The following TMEM131L variants were observed in gnomAD, a reference collection of about 807,000 sequenced individuals.
TMEM131L encodes transmembrane protein 131-like.
A neutral mutation model predicts 192.2 loss-of-function variants in TMEM131L; 54 were observed. The observed-to-expected ratio is 0.28, with a 90% CI of 0.23 to 0.35. The LOEUF is 0.35. Ranked by LOEUF, TMEM131L falls within the 10% of genes least tolerant of loss-of-function variation. TMEM131L has a pLI of 1.00. For missense variants in TMEM131L, 1,888 were observed against 1,972.9 expected (o/e 0.96, Z 0.82); for synonymous variants, 701 against 704.9 (o/e 0.99, Z 0.09).
chr4:153,636,670 A>T lies in TMEM131L; in HGVS notation c.*94A>T. Reference sequence around the variant, plus strand: ...TTGAGATAGATTATGACATTGGTGGATATTTTGGCACTTTTATATGAAAAT... The same window carrying T: ...TTGAGATAGATTATGACATTGGTGGTTATTTTGGCACTTTTATATGAAAAT... On this transcript the variant is annotated 3_prime_UTR_variant, in exon 35 of 35. Transcript: ENST00000409959. 7.9e-7 allele frequency: 1 copy of T among 1,259,896 alleles called. No homozygotes were observed. 78.0% of individuals were successfully genotyped at this position (1,259,896 alleles called of 1,614,324 possible). A position where few individuals can be genotyped will look rare whatever the true frequency, so the allele number is the denominator to read the frequency against.
At chr4:153,541,821 A>G (rs1736802217) in intron 3 of TMEM131L, among the ~76,000 whole-genome samples, 1 of 152,248 alleles carries the variant, frequency 6.6e-6, no homozygotes, top group African/African-American at 2.4e-5. Flanking sequence ...TTCCATGGAA[A>G]TAGACTGCTG....
At chr4:153,547,883 T>C (rs1737305559) in intron 3 of TMEM131L, among the ~76,000 whole-genome samples, 2 of 152,258 alleles carry the variant, frequency 1.3e-5, no homozygotes, top group Non-Finnish European at 2.9e-5. Flanking sequence ...CATCTGTTCA[T>C]GTGGAGGTTG....
intron 27 of TMEM131L, among the ~76,000 whole-genome samples, chr4:153,621,171 C>T (rs571894916): frequency 6.6e-6 from 1 of 152,162 alleles, no homozygotes; most frequent in Non-Finnish European, 1.5e-5. Flanking sequence ...CGTGTGGAGA[C>T]CTTCATTCTG....
chr4:153,471,358 G>A (rs1420477385), intron 2 of TMEM131L, among the ~76,000 whole-genome samples: 5 of 152,086 alleles, frequency 3.3e-5, no homozygotes, highest in Non-Finnish European at 2.9e-5. Flanking sequence ...GAGGGGCTGG[G>A]CTGCTAAGGG....
chr4:153,579,218 A>G (rs1184694038), intron 7 of TMEM131L, among the ~76,000 whole-genome samples: 1 of 151,432 alleles, frequency 6.6e-6, no homozygotes, highest in African/African-American at 2.4e-5. Context: ...CAAATTAGCC[A>G]TGTGTGGTGG....
chr4:153,495,324 CA>C (rs987730764), intron 3 of TMEM131L, among the ~76,000 whole-genome samples: 36 of 141,098 alleles, frequency 2.6e-4, no homozygotes, highest in Admixed American at 5.7e-4. Context: ...CGTCTGAAAA[CA>C]AAAAAAAAAA....
chr4:153,508,360 T>C (rs79988238), intron 3 of TMEM131L, among the ~76,000 whole-genome samples: 3,418 of 152,322 alleles, frequency 0.022, 117 homozygotes, highest in African/African-American at 0.076. Flanking sequence ...CCATATGAGA[T>C]GTTACTTTTT....
intron 29 of TMEM131L, among the ~76,000 whole-genome samples, chr4:153,625,249 A>G (rs1733751727): frequency 6.6e-6 from 1 of 152,066 alleles, no homozygotes; most frequent in African/African-American, 2.4e-5. Flanking sequence ...CATCTCTACT[A>G]AAAATTCAAA....
intron 3 of TMEM131L, among the ~76,000 whole-genome samples, chr4:153,515,999 G>T (rs1734703543): frequency 6.6e-6 from 1 of 151,356 alleles, no homozygotes; most frequent in Non-Finnish European, 1.5e-5. Context: ...ACACAGCGTT[G>T]GGATTATAGA....
intron 7 of TMEM131L, among the ~76,000 whole-genome samples, chr4:153,572,669 T>C (rs1379994485): frequency 1.3e-5 from 2 of 152,168 alleles, no homozygotes; most frequent in Non-Finnish European, 2.9e-5. Context: ...TGTGTCTAGC[T>C]CTTGCCTTCC....
At chr4:153,506,613 G>C (rs539459405) in intron 3 of TMEM131L, among the ~76,000 whole-genome samples, 16 of 152,142 alleles carry the variant, frequency 1.1e-4, no homozygotes, top group East Asian at 9.7e-4. Flanking sequence ...GAGGCCAAGG[G>C]GGGGACTCAT....
rs747293812 is a variant in TMEM131L at position 153,593,761 on chromosome 4, G to A, written c.1923-38G>A. The A allele has an allele frequency of 4.6e-6, 6 of 1,318,436 alleles. No individual in the cohort carries two copies. The East Asian group carries it at 6.9e-5, about 15-fold the overall frequency. The allele number at this position is 1,318,436 out of a possible 1,614,324, so 81.7% of individuals were successfully genotyped here. On this transcript the variant is annotated intron_variant, in intron 18 of 34. Transcript: ENST00000409959. Reference sequence around the variant, plus strand: ...ATTAAATCTTTCTTTACTGGCAGATGTGAGTGCTGTTTTAAACATTTGCTT... The same window carrying A: ...ATTAAATCTTTCTTTACTGGCAGATATGAGTGCTGTTTTAAACATTTGCTT...
rs1734605920 is a variant in TMEM131L, at chr4:153,636,705, A to G, written c.*129A>G. ...ACTTTTATATGAAAATAAATTTTTT[A>G]ATGAAATCTGGGTGCTCTGTTTTTT... On this transcript the variant is annotated 3_prime_UTR_variant, in exon 35 of 35. Coordinates refer to ENST00000409959, the MANE Select transcript of TMEM131L (RefSeq NM_001131007.2). The G allele has an allele frequency of 2.3e-6, 2 of 881,124 alleles. No individual in the cohort carries two copies. Among genetic ancestry groups the G allele is most frequent in the Admixed American group, 6.0e-5 (2 of 33,394 alleles). 54.6% of individuals were successfully genotyped at this position (881,124 alleles called of 1,614,324 possible).
rs745913297 is a variant in TMEM131L, at chr4:153,466,405, G to C, written c.8G>C (p.Gly3Ala). The change falls in exon 1 of 35, where the codon GGG becomes GCG. Residue 3 changes from glycine (G) to alanine (A), a missense_variant. Transcript: ENST00000409959. Reference protein sequence around the residue: MAGLRRPQPGCYC... With the variant: MAALRRPQPGCYC... ...AGGAGCGCGAGCAGCAGCATGGCGG[G>C]GCTCCGACGCCCGCAGCCCGGCTGC... 3 of 1,343,614 alleles carry C rather than the reference G, an allele frequency of 2.2e-6. No individual in the cohort carries two copies. Among genetic ancestry groups the C allele is most frequent in the Admixed American group, 3.0e-5 (1 of 33,496 alleles). The allele number at this position is 1,343,614 out of a possible 1,614,324, so 83.2% of individuals were successfully genotyped here.
intron 3 of TMEM131L, among the ~76,000 whole-genome samples, chr4:153,493,345 C>CAAAAAAAAAAAAAAAAAAAAAAAAAA (rs35052272): frequency 1.4e-5 from 1 of 72,876 alleles, no homozygotes; most frequent in African/African-American, 6.6e-5. Context: ...GACTCTGTCT[C>CAAAAAAAAAAAAAAAAAAAAAAAAAA]AAAAAAAAAA....
At position 153,586,378 on chromosome 4, in the gene TMEM131L, A is replaced by G; in HGVS notation, c.1481A>G (p.Lys494Arg). The G allele has an allele frequency of 6.3e-7, 1 of 1,594,340 alleles. No homozygotes were observed. Among genetic ancestry groups the G allele is most frequent in the South Asian group, 1.2e-5 (1 of 85,678 alleles). ...IPLQIYSAPT[K>R]EGSLGFEVIA... is the part of the protein sequence containing the mutation. ...CTACAGATTTATTCAGCACCAACCA[A>G]GGTATTTTCTACAATACTATATGTG... Residue 494 changes from lysine (K) to arginine (R), a missense_variant and splice_region_variant, in exon 14 of 35, where the codon AAG becomes AGG. Lys to Arg is a conservative substitution (Grantham distance 26, BLOSUM62 2). Coordinates refer to ENST00000409959, the MANE Select transcript of TMEM131L (RefSeq NM_001131007.2).
intron 7 of TMEM131L, among the ~76,000 whole-genome samples, chr4:153,571,229 C>G (rs1729568961): frequency 6.6e-6 from 1 of 152,172 alleles, no homozygotes; most frequent in Non-Finnish European, 1.5e-5. Context: ...CCCAGTATCC[C>G]AGTCAGGCCC....
chr4:153,634,820 C>T (rs1204321921), intron 33 of TMEM131L, among the ~76,000 whole-genome samples: 4 of 152,178 alleles, frequency 2.6e-5, no homozygotes, highest in Non-Finnish European at 5.9e-5. Flanking sequence ...CCCTGGTCAA[C>T]TGGAAAATGC....
At chr4:153,501,411 A>G (rs1441625745) in intron 3 of TMEM131L, among the ~76,000 whole-genome samples, 2 of 152,070 alleles carry the variant, frequency 1.3e-5, no homozygotes, top group Admixed American at 1.3e-4. Flanking sequence ...CGTGTTAGCC[A>G]GGATGGTCTC....
Sources: gnomAD v4.1 joint callset for allele counts (sites outside exome capture counted in the v4.1 genomes callset) on GRCh38, gnomAD v4.1.1 for gene constraint, MANE v1.5 for transcripts, NCBI Gene and HGNC (gene_info 2026-07-23, HGNC 2026-07-21) for gene names.